The following OR51B5 variants were observed in gnomAD, a reference collection of about 807,000 sequenced individuals.
The protein encoded by OR51B5 is olfactory receptor family 51 subfamily B member 5.
For missense variants in OR51B5, 456 were observed against 374.6 expected (o/e 1.22, Z -1.79); for synonymous variants, 186 against 144.8 (o/e 1.28, Z -2.04).
chr11:5,489,351 T>G (rs781143076), intron 1 of OR51B5: 1 of 1,614,056 alleles, frequency 6.2e-7, no homozygotes, highest in Non-Finnish European at 8.5e-7. Context: ...TGGATTCCAT[T>G]CTCATTGCCA....
At chr11:5,412,964 G>C (rs531452312) in intron 1 of OR51B5, among the ~76,000 whole-genome samples, 3 of 152,140 alleles carry the variant, frequency 2.0e-5, no homozygotes, top group Non-Finnish European at 4.4e-5. Context: ...TGCAGCTGGA[G>C]ATCTGAGGAT....
At chr11:5,406,596 C>G (rs1005647456) in intron 1 of OR51B5, among the ~76,000 whole-genome samples, 5 of 152,104 alleles carry the variant, frequency 3.3e-5, no homozygotes, top group African/African-American at 1.2e-4. Flanking sequence ...AAGCATGGAG[C>G]TAAATTAAAA....
At chr11:5,379,321 G>A (rs1849575586) in intron 1 of OR51B5, among the ~76,000 whole-genome samples, 1 of 152,012 alleles carries the variant, frequency 6.6e-6, no homozygotes, top group Non-Finnish European at 1.5e-5. Flanking sequence ...TGGGGTGGGG[G>A]TGCAGGGAGG....
upstream of OR51B5, chr11:5,343,525 C>T (rs12800375): frequency 4.6e-6 from 4 of 861,006 alleles, no homozygotes; most frequent in East Asian, 9.6e-5. Flanking sequence ...TGGACGACAT[C>T]CTGGGTTTAT....
chr11:5,456,337 G>A (rs1368121332), intron 1 of OR51B5: 2 of 151,990 alleles, frequency 1.3e-5, no homozygotes, highest in African/African-American at 4.8e-5. Context: ...GGTTCTAATG[G>A]AAAATGCACA....
chr11:5,395,089 A>G (rs140614770), intron 1 of OR51B5, among the ~76,000 whole-genome samples: 1 of 152,314 alleles, frequency 6.6e-6, no homozygotes, highest in African/African-American at 2.4e-5. Flanking sequence ...CTCATGGTTC[A>G]CTAAATTTCC....
intron 1 of OR51B5, chr11:5,402,535 C>G (rs1849986501): frequency 4.9e-6 from 2 of 407,398 alleles, no homozygotes; most frequent in Admixed American, 5.6e-5. Context: ...ATAATGATGT[C>G]ATCTCACTAG....
intron 1 of OR51B5, among the ~76,000 whole-genome samples, chr11:5,397,912 G>A (rs2133737632): frequency 6.7e-6 from 1 of 148,962 alleles, no homozygotes; most frequent in South Asian, 2.1e-4. Context: ...GGACATGGAT[G>A]AAGCTGGAAA....
intron 1 of OR51B5, among the ~76,000 whole-genome samples, chr11:5,367,986 T>C (rs1849396504): frequency 6.6e-6 from 1 of 152,234 alleles, no homozygotes; most frequent in Admixed American, 6.5e-5. Flanking sequence ...GTTTCACTTC[T>C]ACCAGAGTAG....
chr11:5,469,443 T>G (rs918534059), intron 1 of OR51B5: 1 of 152,234 alleles, frequency 6.6e-6, no homozygotes, highest in South Asian at 2.1e-4. Flanking sequence ...GAGTGACTTT[T>G]AGGCAAACGC....
chr11:5,491,663 G>A (rs1018240124), intron 1 of OR51B5, among the ~76,000 whole-genome samples: 6 of 152,150 alleles, frequency 3.9e-5, no homozygotes, highest in Admixed American at 3.9e-4. Flanking sequence ...AAATAGTGAT[G>A]GATCAATCTC....
chr11:5,467,933 T>C (rs1038145600), intron 1 of OR51B5, among the ~76,000 whole-genome samples: 1 of 152,224 alleles, frequency 6.6e-6, no homozygotes, highest in African/African-American at 2.4e-5. Context: ...ACATTTTTCT[T>C]TGTACTAAAC....
intron 1 of OR51B5, among the ~76,000 whole-genome samples, chr11:5,424,187 A>G (rs1850405084): frequency 6.6e-6 from 1 of 152,194 alleles, no homozygotes; most frequent in South Asian, 2.1e-4. Context: ...CAACATAGGC[A>G]GTGGGAGCAC....
At chr11:5,489,274 C>A (rs527339979) in intron 1 of OR51B5, 2 of 1,614,018 alleles carry the variant, frequency 1.2e-6, no homozygotes, top group South Asian at 2.2e-5. Flanking sequence ...CATTGCCCGA[C>A]TGGCCTGTGC....
At chr11:5,380,793 G>T (rs1167270430) in intron 1 of OR51B5, among the ~76,000 whole-genome samples, 3 of 152,194 alleles carry the variant, frequency 2.0e-5, no homozygotes, top group Non-Finnish European at 4.4e-5. Context: ...GAATGAACTG[G>T]TTGGCAGCTT....
chr11:5,463,483 C>A (rs1851089797), intron 1 of OR51B5, among the ~76,000 whole-genome samples: 1 of 152,222 alleles, frequency 6.6e-6, no homozygotes, highest in Non-Finnish European at 1.5e-5. Context: ...TCAAGATACT[C>A]TCCCTAAAGT....
chr11:5,381,423 G>T (rs1283797774), intron 1 of OR51B5, among the ~76,000 whole-genome samples: 1 of 152,148 alleles, frequency 6.6e-6, no homozygotes, highest in Non-Finnish European at 1.5e-5. Flanking sequence ...ATAGAGATAG[G>T]TCCGAGGACT....
At chr11:5,459,776 T>C (rs931987602) in intron 1 of OR51B5, among the ~76,000 whole-genome samples, 11 of 152,264 alleles carry the variant, frequency 7.2e-5, no homozygotes, top group Admixed American at 5.9e-4. Flanking sequence ...TTATGCACTG[T>C]TGGTGGGAGT....
chr11:5,349,741 T>C (rs1194259302), intron 1 of OR51B5, among the ~76,000 whole-genome samples: 2 of 152,158 alleles, frequency 1.3e-5, no homozygotes, highest in Non-Finnish European at 2.9e-5. Flanking sequence ...GGCAGGCAGA[T>C]TGAGCAATAA....
Sources: allele counts gnomAD v4.1 joint callset (sites outside exome capture counted in the v4.1 genomes callset), GRCh38; gene constraint gnomAD v4.1.1; transcripts MANE v1.5; gene names NCBI Gene and HGNC (gene_info 2026-07-23, HGNC 2026-07-21).